The following DERA variants were observed in gnomAD, a reference collection of about 807,000 sequenced individuals.
The protein encoded by DERA is deoxyribose-phosphate aldolase, also known as 2-deoxy-D-ribose 5-phosphate aldolase.
Under a neutral mutation model 41.1 loss-of-function variants are expected in DERA, and 15 were observed. The observed-to-expected ratio is 0.37, with a 90% CI of 0.24 to 0.56. The LOEUF (loss-of-function observed/expected upper bound fraction) is 0.56, where lower values mean the gene tolerates loss of function less well. Ranked by LOEUF, DERA falls within the 20% of genes least tolerant of loss-of-function variation. DERA has a pLI of 0.81. For synonymous variants in DERA, 139 were observed against 137.4 expected (o/e 1.01, Z -0.08); for missense variants, 396 against 403.4 (o/e 0.98, Z 0.16).
intron 5 of DERA, among the ~76,000 whole-genome samples, chr12:15,980,206 C>T (rs559347071): frequency 6.6e-6 from 1 of 152,302 alleles, no homozygotes; most frequent in Admixed American, 6.5e-5. Context: ...CTCTCTCATT[C>T]CTGGTAACCC....
chr12:15,946,179 C>G (rs1948446741), intron 1 of DERA, among the ~76,000 whole-genome samples: 1 of 152,110 alleles, frequency 6.6e-6, no homozygotes, highest in Admixed American at 6.5e-5. Context: ...GGATATTGGT[C>G]TAAAATTCTC....
Position 15,938,286 on chromosome 12 carries a change from A to T in DERA, c.32-18650A>T, listed in dbSNP as rs1592007418. ...AAAGGGAGCACTAAAAATACTTAAA[A>T]TTATATAATTAAAAATATTGAATGA... is the stretch of plus-strand genomic sequence containing the variant. On this transcript the variant is annotated intron_variant, in intron 1 of 8. Coordinates refer to ENST00000428559, the MANE Select transcript of DERA (RefSeq NM_015954.4). This position sits in a 1 kb window ranked among gnomAD's most constrained non-coding sequence, Gnocchi z 4.1. 6.6e-6 allele frequency among the ~76,000 whole-genome samples: 1 copy of T among 152,342 alleles called. No individual in the cohort carries two copies. Among genetic ancestry groups the T allele is most frequent in the East Asian group, 1.9e-4 (1 of 5,184 alleles).
Position 15,972,215 on chromosome 12 carries a change from A to G in DERA, c.508+9268A>G, listed in dbSNP as rs1408686852. ...GGTGTCCACATGATGAATGTAACCT[A>G]TTCCATTTTTAAGATAGCAAGCCAC... On this transcript the variant is annotated intron_variant, in intron 5 of 8. Coordinates refer to ENST00000428559, the MANE Select transcript of DERA (RefSeq NM_015954.4). The surrounding 1 kb of genome is among the most constrained non-coding windows in gnomAD (Gnocchi z 4.4). 6.3e-6 allele frequency: 1 copy of G among 159,160 alleles called. No individual in the cohort carries two copies. Among genetic ancestry groups the G allele is most frequent in the Non-Finnish European group, 1.4e-5 (1 of 70,986 alleles). 9.9% of individuals were successfully genotyped at this position (159,160 alleles called of 1,614,324 possible). A position where few individuals can be genotyped will look rare whatever the true frequency, so the allele number is the denominator to read the frequency against.
Position 16,036,409 on chromosome 12 carries a change from A to C in DERA, c.900+28A>C. The C allele has an allele frequency of 6.4e-7, 1 of 1,561,002 alleles. No individual in the cohort carries two copies. The highest frequency in any genetic ancestry group is 8.6e-7 in the Non-Finnish European group (1 of 1,157,834). ...GAGTAATCATCTCTGTCTTTGGAAT[A>C]AATTAACAAGTGTTTTTTGAGAAAG... On this transcript the variant is annotated intron_variant, in intron 8 of 8. Coordinates refer to ENST00000428559, the MANE Select transcript of DERA (RefSeq NM_015954.4). This position sits in a 1 kb window ranked among gnomAD's most constrained non-coding sequence, Gnocchi z 4.9.
rs991968305 is a variant in DERA, at chr12:16,020,254, C to A, written c.638-12288C>A. ...TAGTCATGGTGGAAGAGGAAGCAGG[C>A]ATGTCTTAAATGGCTGGAGCAGGAA... On this transcript the variant is annotated intron_variant, in intron 6 of 8. Transcript: ENST00000428559. This position sits in a 1 kb window ranked among gnomAD's most constrained non-coding sequence, Gnocchi z 5.5. Among the ~76,000 whole-genome samples, 3 of 152,148 alleles carry A rather than the reference C, an allele frequency of 2.0e-5. No individual in the cohort carries two copies. Among genetic ancestry groups the A allele is most frequent in the African/African-American group, 7.2e-5 (3 of 41,422 alleles).
At chr12:15,926,566 C>G (rs12371288) in intron 1 of DERA, among the ~76,000 whole-genome samples, 27,061 of 151,518 alleles carry the variant, frequency 0.18, 3,149 homozygotes, top group East Asian at 0.39. Flanking sequence ...GAAACAGCGT[C>G]TCTACTAAAA....
chr12:16,030,411 T>C (rs1949084730), intron 6 of DERA, among the ~76,000 whole-genome samples: 2 of 152,212 alleles, frequency 1.3e-5, no homozygotes, highest in Non-Finnish European at 2.9e-5. Flanking sequence ...CTTACATCTA[T>C]GTGGAGGCTT....
At chr12:15,968,290 G>C (rs181436140) in intron 5 of DERA, among the ~76,000 whole-genome samples, 3 of 152,076 alleles carry the variant, frequency 2.0e-5, no homozygotes, top group Non-Finnish European at 4.4e-5. Context: ...TTTCTATGCC[G>C]TTAGCCTGGA....
chr12:15,942,496 T>G (rs1245556012), intron 1 of DERA, among the ~76,000 whole-genome samples: 7 of 152,202 alleles, frequency 4.6e-5, no homozygotes, highest in Non-Finnish European at 1.0e-4. Flanking sequence ...TGGTTTCAGA[T>G]CTTAGATTTG....
intron 1 of DERA, among the ~76,000 whole-genome samples, chr12:15,950,108 A>G (rs1592014238): frequency 6.6e-6 from 1 of 152,120 alleles, no homozygotes; most frequent in Non-Finnish European, 1.5e-5. Flanking sequence ...ACCCCAAGAG[A>G]GGGTTCTTGG....
intron 1 of DERA, among the ~76,000 whole-genome samples, chr12:15,945,068 A>G (rs938334054): frequency 1.2e-4 from 18 of 152,022 alleles, no homozygotes; most frequent in African/African-American, 4.3e-4. Context: ...CTGAGGGCTC[A>G]ATTCTGTTCC....
rs904741550 is a variant in DERA, at chr12:15,967,967, A to G, written c.508+5020A>G. On this transcript the variant is annotated intron_variant, in intron 5 of 8. Transcript: ENST00000428559. The surrounding 1 kb of genome is among the most constrained non-coding windows in gnomAD (Gnocchi z 4.9). ...TTGTGATAAAAGAATTGAGGTGTGT[A>G]TGTGAGGGAGGAATAGGCTTCTAAA... Among the ~76,000 whole-genome samples, 2 of 152,144 alleles carry G rather than the reference A, an allele frequency of 1.3e-5. No homozygotes were observed. Among genetic ancestry groups the G allele is most frequent in the African/African-American group, 4.8e-5 (2 of 41,432 alleles).
chr12:16,006,614 G>C (rs997471733), intron 6 of DERA, among the ~76,000 whole-genome samples: 25 of 152,178 alleles, frequency 1.6e-4, no homozygotes, highest in African/African-American at 5.8e-4. Flanking sequence ...CACCGCTCCT[G>C]ATCCCACCTC....
In DERA at chr12:16,030,932, C is replaced by T. The variant is rs142323018; in HGVS notation, c.638-1610C>T. ...CCTTACAGACCCAAAGAAATGAAGG[C>T]TTCCAGTGACCTGCTCTGATGCATC... On this transcript the variant is annotated intron_variant, in intron 6 of 8. Coordinates refer to ENST00000428559, the MANE Select transcript of DERA (RefSeq NM_015954.4). 1.5e-3 allele frequency among the ~76,000 whole-genome samples: 222 copies of T among 152,302 alleles called. 1 individual carries two copies. The highest frequency in any genetic ancestry group is 4.0e-3 in the African/African-American group (165 of 41,560).
At position 15,988,847 on chromosome 12, in the gene DERA, C is replaced by T. The variant is rs1948783220; in HGVS notation, c.637+6411C>T. Among the ~76,000 whole-genome samples, 1 of 152,226 alleles carries T rather than the reference C, an allele frequency of 6.6e-6. No individual in the cohort carries two copies. Reference sequence around the variant, plus strand: ...CTGCAGACCCACACCAAGCTGCCCTCAGCCCCTTGGCCTTTCTCCTATGCT... The same window carrying T: ...CTGCAGACCCACACCAAGCTGCCCTTAGCCCCTTGGCCTTTCTCCTATGCT... On this transcript the variant is annotated intron_variant, in intron 6 of 8. Coordinates refer to ENST00000428559, the MANE Select transcript of DERA (RefSeq NM_015954.4). The surrounding 1 kb of genome is among the most constrained non-coding windows in gnomAD (Gnocchi z 6.0).
At position 15,915,705 on chromosome 12, in the gene DERA, A is replaced by G. The variant is rs1948194086; in HGVS notation, c.31+4291A>G. Reference sequence around the variant, plus strand: ...CAGACACTGTGCTTAGGTGCTGGGTATAATGATAGTGTCAACACAGAGCTC... The same window carrying G: ...CAGACACTGTGCTTAGGTGCTGGGTGTAATGATAGTGTCAACACAGAGCTC... On this transcript the variant is annotated intron_variant, in intron 1 of 8. Transcript: ENST00000428559. This position sits in a 1 kb window ranked among gnomAD's most constrained non-coding sequence, Gnocchi z 4.8. Among the ~76,000 whole-genome samples the G allele has an allele frequency of 6.6e-6, 1 of 152,224 alleles. No homozygotes were observed. The highest frequency in any genetic ancestry group is 2.1e-4 in the South Asian group (1 of 4,834).
chr12:16,031,072 C>T (rs192336146), intron 6 of DERA, among the ~76,000 whole-genome samples: 1 of 152,288 alleles, frequency 6.6e-6, no homozygotes, highest in East Asian at 1.9e-4. Flanking sequence ...CCTTTTGATG[C>T]TTTGTGTAAT....
rs1477941886 is a variant in DERA at position 16,000,584 on chromosome 12, T to C, written c.637+18148T>C. Among the ~76,000 whole-genome samples, 1 of 152,190 alleles carries C rather than the reference T, an allele frequency of 6.6e-6. No homozygotes were observed. Among genetic ancestry groups the C allele is most frequent in the African/African-American group, 2.4e-5 (1 of 41,438 alleles). ...CACCAACTGGGGCATTGAAAGTAAG[T>C]TTCCTATGTTACGCGGCTGCTAAAT... On this transcript the variant is annotated intron_variant, in intron 6 of 8. Coordinates refer to ENST00000428559, the MANE Select transcript of DERA (RefSeq NM_015954.4). The surrounding 1 kb of genome is among the most constrained non-coding windows in gnomAD (Gnocchi z 4.8).
chr12:16,019,487 A>G lies in DERA; in HGVS notation c.638-13055A>G, dbSNP rs367556540. On this transcript the variant is annotated intron_variant, in intron 6 of 8. Coordinates refer to ENST00000428559, the MANE Select transcript of DERA (RefSeq NM_015954.4). This position sits in a 1 kb window ranked among gnomAD's most constrained non-coding sequence, Gnocchi z 4.4. ...GCTCTCTATAATATTTTCCTAAGGG[A>G]TATTTACAGTCACATCTTCTAAAAC... Among the ~76,000 whole-genome samples the G allele has an allele frequency of 1.3e-4, 20 of 152,294 alleles. No individual in the cohort carries two copies. Among genetic ancestry groups the G allele is most frequent in the African/African-American group, 4.8e-4 (20 of 41,574 alleles).
Sources: gnomAD v4.1 joint callset for allele counts (sites outside exome capture counted in the v4.1 genomes callset) on GRCh38, gnomAD v4.1.1 for gene constraint, Gnocchi (gnomAD v3.1) non-coding constraint, MANE v1.5 for transcripts, NCBI Gene and HGNC (gene_info 2026-07-23, HGNC 2026-07-21) for gene names.